SGCZ: variants seen among roughly 807,000 people sequenced by gnomAD.
The protein encoded by SGCZ is zeta-sarcoglycan.
A neutral mutation model predicts 41.3 loss-of-function variants in SGCZ; 40 were observed. That is an observed-to-expected ratio of 0.97 (90% CI 0.75 to 1.26). SGCZ has a LOEUF of 1.26. Ranked by LOEUF, SGCZ falls within the 50% of genes most tolerant of loss-of-function variation. SGCZ has a pLI of 0.00. For synonymous variants in SGCZ, 206 were observed against 137.5 expected, an observed-to-expected ratio of 1.50 and a Z score of -3.49; for missense variants, 552 against 369.8, an observed-to-expected ratio of 1.49 and a Z score of -4.04.
chr8:14,312,110 A>C (rs1481026425), intron 3 of SGCZ, among the ~76,000 whole-genome samples: 1 of 152,154 alleles, frequency 6.6e-6, no homozygotes, highest in Non-Finnish European at 1.5e-5. Context: ...TCATGAAATC[A>C]TTTAGTTGGT....
intron 5 of SGCZ, among the ~76,000 whole-genome samples, chr8:14,146,890 A>AAAAATAATAATAATAAT (rs1182329393): frequency 8.6e-6 from 1 of 116,186 alleles, no homozygotes. Context: ...AAAATAAAAA[A>AAAAATAATAATAATAAT]AATAATAATA....
chr8:15,008,573 G>C (rs1185706835), intron 1 of SGCZ, among the ~76,000 whole-genome samples: 1 of 50,738 alleles, frequency 2.0e-5, no homozygotes, highest in Non-Finnish European at 4.2e-5. Context: ...GGGAGGGAGG[G>C]GGAGGGGGAG....
intron 4 of SGCZ, among the ~76,000 whole-genome samples, chr8:14,234,811 G>C (rs764980489): frequency 1.3e-5 from 2 of 152,148 alleles, no homozygotes; most frequent in East Asian, 1.9e-4. Context: ...CTACATAAAG[G>C]TAAATTTATT....
intron 2 of SGCZ, among the ~76,000 whole-genome samples, chr8:14,402,612 T>A (rs1799108738): frequency 7.0e-6 from 1 of 142,724 alleles, no homozygotes; most frequent in African/African-American, 3.0e-5. Context: ...TATGTGGCGT[T>A]ATTTCTGAGG....
intron 1 of SGCZ, among the ~76,000 whole-genome samples, chr8:15,028,282 G>A (rs1261096450): frequency 1.3e-5 from 2 of 152,112 alleles, no homozygotes; most frequent in Non-Finnish European, 2.9e-5. Flanking sequence ...AGGCTAAAAC[G>A]TCATGGGCTT....
intron 1 of SGCZ, among the ~76,000 whole-genome samples, chr8:15,083,120 A>G (rs1337628884): frequency 1.3e-5 from 2 of 152,192 alleles, no homozygotes; most frequent in Non-Finnish European, 2.9e-5. Context: ...CACAAACAGA[A>G]TAACACAAAA....
intron 3 of SGCZ, 75 bp from the exon 4 acceptor site, chr8:14,237,754 G>C (rs992645361): frequency 2.2e-6 from 3 of 1,336,626 alleles, no homozygotes; most frequent in African/African-American, 1.5e-5. Context: ...TACTGCATTT[G>C]TTTGGATATT....
At chr8:14,555,529 G>C (rs752219079) in intron 1 of SGCZ, among the ~76,000 whole-genome samples, 3 of 151,986 alleles carry the variant, frequency 2.0e-5, no homozygotes, top group Admixed American at 6.6e-5. Context: ...CTCCCCAGAA[G>C]CAAAAGCCTC....
intron 1 of SGCZ, among the ~76,000 whole-genome samples, chr8:14,722,461 A>G (rs1237010639): frequency 6.6e-6 from 1 of 152,106 alleles, no homozygotes; most frequent in Non-Finnish European, 1.5e-5. Context: ...TTATTATAAT[A>G]AAACAAAATA....
At position 15,237,922 on chromosome 8, in the gene SGCZ, A is replaced by C; in HGVS notation, c.-299T>G. The C allele has an allele frequency of 2.5e-5, 8 of 320,386 alleles. No homozygotes were observed. The highest frequency in any genetic ancestry group is 7.0e-5 in the South Asian group (1 of 14,350). The allele number at this position is 320,386 out of a possible 1,614,324, so 19.8% of individuals were successfully genotyped here. On this transcript the variant is annotated 5_prime_UTR_variant, in exon 1 of 8. Coordinates refer to ENST00000382080, the MANE Select transcript of SGCZ (RefSeq NM_139167.4). ...GGCCAAAAGAAAAAAGGAAAAAAAAATCCACTCTATTTAAGATTATTTCTT... is the reference window on the plus strand; with the variant it reads ...GGCCAAAAGAAAAAAGGAAAAAAAACTCCACTCTATTTAAGATTATTTCTT...
chr8:14,253,243 GGTGTGTGTGT>G (rs10681510), intron 3 of SGCZ, among the ~76,000 whole-genome samples: 23 of 148,948 alleles, frequency 1.5e-4, no homozygotes, highest in African/African-American at 5.4e-4. Context: ...TTGTGTGTAG[GGTGTGTGTGT>G]GTGTGTGTGT....
At chr8:14,214,585 T>C (rs891036844) in intron 4 of SGCZ, among the ~76,000 whole-genome samples, 2 of 152,124 alleles carry the variant, frequency 1.3e-5, no homozygotes, top group Admixed American at 1.3e-4. Flanking sequence ...AAATAGAGGT[T>C]AACAGAATGG....
chr8:14,663,052 G>A lies in SGCZ; in HGVS notation c.40-108126C>T, dbSNP rs188491486. On this transcript the variant is annotated intron_variant, in intron 1 of 7. Coordinates refer to ENST00000382080, the MANE Select transcript of SGCZ (RefSeq NM_139167.4). ...TCCCCTAGGATGTCCAGAAAGAAAT[G>A]CAGTTCTGCCAACAACTTGATCTTA... 6.8e-3 allele frequency among the ~76,000 whole-genome samples: 1,034 copies of A among 152,254 alleles called. 18 individuals carry two copies. The highest frequency in any genetic ancestry group is 0.022 in the African/African-American group (928 of 41,554).
At chr8:14,925,762 T>C (rs1009535976) in intron 1 of SGCZ, among the ~76,000 whole-genome samples, 6 of 152,102 alleles carry the variant, frequency 3.9e-5, no homozygotes, top group African/African-American at 1.4e-4. Context: ...CTGTACCAGA[T>C]GGACAGGAAA....
chr8:14,237,711 A>T, intron 3 of SGCZ, 32 bp from the exon 4 acceptor site: 1 of 1,572,028 alleles, frequency 6.4e-7, no homozygotes, highest in South Asian at 1.2e-5. Flanking sequence ...AATAAATAGA[A>T]AATAGAAATA....
intron 3 of SGCZ, among the ~76,000 whole-genome samples, chr8:14,255,427 T>C (rs936648044): frequency 2.0e-5 from 3 of 152,180 alleles, no homozygotes; most frequent in Non-Finnish European, 4.4e-5. Flanking sequence ...ACTTGTCCTT[T>C]TAGCTTACTG....
intron 1 of SGCZ, among the ~76,000 whole-genome samples, chr8:14,940,463 CAAT>C (rs1041922276): frequency 2.6e-5 from 4 of 152,160 alleles, no homozygotes; most frequent in Admixed American, 1.3e-4. Context: ...AAATATACAA[CAAT>C]ATCATTAGTA....
At chr8:14,676,799 G>C (rs987113695) in intron 1 of SGCZ, among the ~76,000 whole-genome samples, 2 of 152,008 alleles carry the variant, frequency 1.3e-5, no homozygotes, top group African/African-American at 4.8e-5. Context: ...TAGAAAACAA[G>C]AAATAAAGCG....
At chr8:14,178,607 C>G (rs1226328516) in intron 4 of SGCZ, among the ~76,000 whole-genome samples, 1 of 152,174 alleles carries the variant, frequency 6.6e-6, no homozygotes, top group Admixed American at 6.5e-5. Context: ...TAAGTGAGAA[C>G]AGCTGAATTT....
Sources: allele counts gnomAD v4.1 joint callset (sites outside exome capture counted in the v4.1 genomes callset), GRCh38; gene constraint gnomAD v4.1.1; transcripts MANE v1.5; gene names NCBI Gene and HGNC (gene_info 2026-07-23, HGNC 2026-07-21).